The following PPWD1 variants were observed in gnomAD, a reference collection of about 807,000 sequenced individuals.
PPWD1 encodes the protein peptidylprolyl isomerase domain and WD repeat-containing protein 1.
PPWD1 carries 43 observed loss-of-function variants against 68.8 expected under a neutral mutation model. That is an observed-to-expected ratio of 0.62 (90% CI 0.49 to 0.81). The LOEUF (loss-of-function observed/expected upper bound fraction) is 0.81. Ranked by LOEUF, PPWD1 falls within the 30% of genes least tolerant of loss-of-function variation. The probability of loss-of-function intolerance (pLI) is 0.00; values close to 1 mark genes in which losing one functional copy is unlikely to be tolerated. For missense variants in PPWD1, 672 were observed against 804.8 expected, an observed-to-expected ratio of 0.83 and a Z score of 2.00; for synonymous variants, 232 against 258.7, an observed-to-expected ratio of 0.90 and a Z score of 0.99.
In PPWD1 at chr5:65,572,129, C is replaced by G; in HGVS notation, c.812C>G (p.Thr271Ser). Residue 271 changes from threonine to serine, a missense_variant, in exon 5 of 11, where the codon ACT (threonine) becomes AGT (serine). Physicochemically the swap from Thr to Ser is moderately conservative, Grantham distance 58. Around this residue, in one of 2 missense-constraint regions of PPWD1, gnomAD observed 484 missense variants for 646.2 expected, o/e 0.75. Coordinates refer to ENST00000261308, the MANE Select transcript of PPWD1 (RefSeq NM_015342.4). ...GTGAACTGGGAATATAAAACTGACACTGATTTATATGAATTTGCCAAGTGT... is the reference window on the plus strand; with the variant it reads ...GTGAACTGGGAATATAAAACTGACAGTGATTTATATGAATTTGCCAAGTGT... ...KNVNWEYKTD[T>S]DLYEFAKCKA... 3 of 1,614,014 alleles carry G rather than the reference C, an allele frequency of 1.9e-6. No individual in the cohort carries two copies. Among genetic ancestry groups the G allele is most frequent in the Admixed American group, 1.7e-5 (1 of 60,020 alleles).
chr5:65,584,967 T>G, intron 8 of PPWD1, 47 bp from the exon 9 acceptor site: 1 of 1,590,160 alleles, frequency 6.3e-7, no homozygotes, highest in Non-Finnish European at 8.5e-7. Context: ...AAAACTGTTT[T>G]AAGATGCTCT....
intron 5 of PPWD1, 87 bp downstream of exon 5, chr5:65,572,373 A>G (rs903988436): frequency 2.8e-5 from 36 of 1,302,714 alleles, no homozygotes; most frequent in Non-Finnish European, 3.5e-5. Flanking sequence ...TTTTCTACAG[A>G]TAGACATTTA....
chr5:65,584,416 A>G (rs1321416247), intron 8 of PPWD1, among the ~76,000 whole-genome samples: 1 of 152,222 alleles, frequency 6.6e-6, no homozygotes, highest in Non-Finnish European at 1.5e-5. Flanking sequence ...AAAGTTGAAT[A>G]AATTTAGATG....
intron 5 of PPWD1, among the ~76,000 whole-genome samples, chr5:65,574,933 C>A (rs1753216984): frequency 6.6e-6 from 1 of 152,206 alleles, no homozygotes; most frequent in South Asian, 2.1e-4. Flanking sequence ...AGCCAACCAT[C>A]AGTTAAATTA....
intron 7 of PPWD1, among the ~76,000 whole-genome samples, chr5:65,580,298 C>T (rs1308018537): frequency 6.6e-6 from 1 of 152,208 alleles, no homozygotes; most frequent in African/African-American, 2.4e-5. Flanking sequence ...GCCTAATACC[C>T]TTTAATGGTG....
At position 65,585,112 on chromosome 5, in the gene PPWD1, TC is replaced by T; in HGVS notation, c.1614+18del. On this transcript the variant is annotated intron_variant, in intron 9 of 10. Transcript: ENST00000261308. ...ATAATTAAGGTAAGTTACATAAATTTCATGTCATATAAGAAATACTGTATTA... is the reference window on the plus strand; with the variant it reads ...ATAATTAAGGTAAGTTACATAAATTTATGTCATATAAGAAATACTGTATTA... 1.9e-6 allele frequency: 3 copies of T among 1,582,350 alleles called. No individual in the cohort carries two copies. The highest frequency in any genetic ancestry group is 2.6e-6 in the Non-Finnish European group (3 of 1,152,720).
At chr5:65,580,107 T>C (rs1198433389) in intron 7 of PPWD1, among the ~76,000 whole-genome samples, 1 of 152,170 alleles carries the variant, frequency 6.6e-6, no homozygotes, top group Non-Finnish European at 1.5e-5. Flanking sequence ...TAAAAGTACT[T>C]TGCATGTTAA....
chr5:65,568,396 C>T (rs961628326), intron 2 of PPWD1, among the ~76,000 whole-genome samples: 1 of 151,982 alleles, frequency 6.6e-6, no homozygotes, highest in Non-Finnish European at 1.5e-5. Flanking sequence ...TTAGAGATGA[C>T]GAAACTGAAG....
At chr5:65,573,668 C>T (rs1347154816) in intron 5 of PPWD1, among the ~76,000 whole-genome samples, 1 of 150,674 alleles carries the variant, frequency 6.6e-6, no homozygotes, top group East Asian at 1.9e-4. Context: ...GGCACGGTGC[C>T]AAGCCAGCAG....
rs1416188349 is a variant in PPWD1, at chr5:65,585,087, A to T, written c.1606A>T (p.Ile536Leu). 6.2e-7 allele frequency: 1 copy of T among 1,609,930 alleles called. No homozygotes were observed. The highest frequency in any genetic ancestry group is 1.3e-5 in the African/African-American group (1 of 74,780). The change falls in exon 9 of 11, where the codon ATA becomes TTA. Residue 536 changes from isoleucine to leucine, a missense_variant. Physicochemically the swap from Ile to Leu is conservative, Grantham distance 5. This residue lies in a region of PPWD1 where 484 missense variants were observed against 646.2 expected (regional missense o/e 0.75). Coordinates refer to ENST00000261308, the MANE Select transcript of PPWD1 (RefSeq NM_015342.4). ...GYYNGHTFHR[I>L]IKGFMIQTGD... ...TTATAATGGGCATACATTTCACCGT[A>T]TAATTAAGGTAAGTTACATAAATTT...
intron 6 of PPWD1, among the ~76,000 whole-genome samples, chr5:65,577,531 A>G (rs1266572035): frequency 6.6e-6 from 1 of 152,190 alleles, no homozygotes; most frequent in African/African-American, 2.4e-5. Flanking sequence ...AGATACTCTC[A>G]CTGAATGTAA....
chr5:65,563,471 T>C lies in PPWD1; in HGVS notation c.161T>C (p.Leu54Ser). The C allele has an allele frequency of 6.2e-7, 1 of 1,613,936 alleles. No homozygotes were observed. The highest frequency in any genetic ancestry group is 1.1e-5 in the South Asian group (1 of 91,044). ...AACGAAGAGCGCTGGGTTGGACCTT[T>C]ACCTGTGGAGGCAACACTGGCCAAG... ...EENEERWVGPLPVEATLAKKR... is the reference protein window; with the variant it reads ...EENEERWVGPSPVEATLAKKR... Residue 54 changes from leucine (L) to serine (S), a missense_variant, in exon 1 of 11, where the codon TTA becomes TCA. Transcript: ENST00000261308.
intron 4 of PPWD1, chr5:65,570,239 C>A: frequency 1.1e-6 from 1 of 928,354 alleles, no homozygotes; most frequent in Non-Finnish European, 1.3e-6. Context: ...TCCTTATATC[C>A]AAATTGACAT....
intron 7 of PPWD1, among the ~76,000 whole-genome samples, chr5:65,581,863 ATT>A: frequency 6.6e-6 from 1 of 152,290 alleles, no homozygotes; most frequent in African/African-American, 2.4e-5. Context: ...ATATATATGA[ATT>A]TTGTGTCCCA....
At chr5:65,573,251 G>C (rs1246469464) in intron 5 of PPWD1, among the ~76,000 whole-genome samples, 1 of 151,546 alleles carries the variant, frequency 6.6e-6, no homozygotes, top group East Asian at 1.9e-4. Context: ...TCCCCTGGAA[G>C]GCTTTCACTA....
intron 2 of PPWD1, chr5:65,569,061 G>A (rs2150591830): frequency 2.2e-6 from 1 of 454,852 alleles, no homozygotes; most frequent in Admixed American, 2.4e-5. Flanking sequence ...ACGTAGAGTT[G>A]CTGTAAAATT....
At chr5:65,563,970 G>C in intron 1 of PPWD1, 1 of 828,884 alleles carries the variant, frequency 1.2e-6, no homozygotes, top group South Asian at 1.6e-5. Flanking sequence ...TTTCAACTCT[G>C]ACACTTCCAC....
chr5:65,578,830 A>G (rs114978224), intron 6 of PPWD1, among the ~76,000 whole-genome samples: 1,462 of 144,330 alleles, frequency 0.01, 14 homozygotes, highest in Non-Finnish European at 0.017. Flanking sequence ...TTTTTTTTAA[A>G]AAAAGAGTTT....
At chr5:65,578,476 C>T (rs1753414183) in intron 6 of PPWD1, among the ~76,000 whole-genome samples, 1 of 152,294 alleles carries the variant, frequency 6.6e-6, no homozygotes, top group South Asian at 2.1e-4. Flanking sequence ...GTTCCTGTCA[C>T]TCCACATCTG....
Sources: gnomAD v4.1 joint callset for allele counts (sites outside exome capture counted in the v4.1 genomes callset) on GRCh38, gnomAD v4.1.1 for gene constraint, gnomAD v4.1.1 regional missense constraint, MANE v1.5 for transcripts, NCBI Gene and HGNC (gene_info 2026-07-23, HGNC 2026-07-21) for gene names.